The following DLG1 variants were observed in gnomAD, a reference collection of about 807,000 sequenced individuals.
The protein encoded by DLG1 is disks large homolog 1.
A neutral mutation model predicts 123.4 loss-of-function variants in DLG1; 42 were observed. That is an observed-to-expected ratio of 0.34 (90% CI 0.27 to 0.44). The LOEUF (loss-of-function observed/expected upper bound fraction) is 0.44. Among genes scored for constraint, DLG1 ranks in the 20% least tolerant of loss-of-function variants. The pLI is 1.00. For synonymous variants in DLG1, 317 were observed against 356.2 expected (o/e 0.89, Z 1.24); for missense variants, 942 against 1,082.6 (o/e 0.87, Z 1.82).
intron 6 of DLG1, among the ~76,000 whole-genome samples, chr3:197,149,354 A>G (rs894059722): frequency 2.0e-5 from 3 of 152,102 alleles, no homozygotes; most frequent in African/African-American, 7.3e-5. Flanking sequence ...AGTTATAACT[A>G]ATTATTTTCG....
intron 4 of DLG1, among the ~76,000 whole-genome samples, chr3:197,273,852 A>AAAAAAAAC (rs1333351703): frequency 6.7e-6 from 1 of 149,780 alleles, no homozygotes; most frequent in Non-Finnish European, 1.5e-5. Flanking sequence ...TAGCTACCAA[A>AAAAAAAAC]AAAAAAAAAA....
intron 5 of DLG1, among the ~76,000 whole-genome samples, chr3:197,170,135 C>T (rs577226176): frequency 1.2e-4 from 19 of 152,280 alleles, no homozygotes; most frequent in African/African-American, 3.4e-4. Flanking sequence ...TGTGTATGTG[C>T]CACATTTTCT....
At chr3:197,133,025 C>T (rs1783445742) in intron 10 of DLG1, among the ~76,000 whole-genome samples, 1 of 151,576 alleles carries the variant, frequency 6.6e-6, no homozygotes, top group South Asian at 2.1e-4. Context: ...CTGTGGTATA[C>T]TGCTGAAATA....
intron 4 of DLG1, among the ~76,000 whole-genome samples, chr3:197,247,276 T>TG (rs1288094215): frequency 1.3e-5 from 2 of 152,102 alleles, no homozygotes; most frequent in Admixed American, 1.3e-4. Context: ...CTCAGGCGTG[T>TG]GGTTAGGGAG....
At position 197,221,315 on chromosome 3, in the gene DLG1, C is replaced by T. The variant is rs368948575; in HGVS notation, c.319-26726G>A. Among the ~76,000 whole-genome samples, 20 of 152,110 alleles carry T rather than the reference C, an allele frequency of 1.3e-4. No individual in the cohort carries two copies. In the East Asian group the frequency reaches 2.5e-3, roughly 19 times the overall value. On this transcript the variant is annotated intron_variant, in intron 4 of 24. Coordinates refer to ENST00000667157, the MANE Select transcript of DLG1 (RefSeq NM_001366207.1). ...GGTGGATCACCTGAGGTCAGGAGTT[C>T]GAGACCAGCCTGGCCAACTTGATTG...
intron 4 of DLG1, among the ~76,000 whole-genome samples, chr3:197,253,585 C>G (rs1755458655): frequency 6.6e-6 from 1 of 152,106 alleles, no homozygotes; most frequent in Non-Finnish European, 1.5e-5. Flanking sequence ...GTGAAAAAAG[C>G]CAATCCTGAA....
intron 8 of DLG1, among the ~76,000 whole-genome samples, chr3:197,139,034 T>G (rs1786560136): frequency 6.6e-6 from 1 of 152,222 alleles, no homozygotes. Context: ...AGTTATTTTT[T>G]GAAATTTATA....
At chr3:197,087,602 G>A (rs4481135) in intron 15 of DLG1, among the ~76,000 whole-genome samples, 167 of 152,136 alleles carry the variant, frequency 1.1e-3, no homozygotes, top group African/African-American at 4.0e-3. Flanking sequence ...AATAAAATAC[G>A]AAAAATACAA....
At chr3:197,136,789 T>C (rs1188816526) in intron 9 of DLG1, 111 bp from the exon 10 acceptor site, 14 of 932,748 alleles carry the variant, frequency 1.5e-5, no homozygotes, top group Admixed American at 1.1e-4. Flanking sequence ...TTTTTTAAAA[T>C]AGAAAAGAAT....
intron 4 of DLG1, among the ~76,000 whole-genome samples, chr3:197,248,309 C>G (rs1207855337): frequency 6.6e-6 from 1 of 152,142 alleles, no homozygotes; most frequent in African/African-American, 2.4e-5. Flanking sequence ...GCTGCGGTAT[C>G]TACTTGTAGG....
At chr3:197,241,920 A>C (rs1362184040) in intron 4 of DLG1, among the ~76,000 whole-genome samples, 2 of 152,198 alleles carry the variant, frequency 1.3e-5, no homozygotes, top group African/African-American at 2.4e-5. Flanking sequence ...AGAGTTACGA[A>C]ACAATCAGAA....
At chr3:197,274,683 G>A (rs894648225) in intron 4 of DLG1, among the ~76,000 whole-genome samples, 1 of 152,152 alleles carries the variant, frequency 6.6e-6, no homozygotes, top group African/African-American at 2.4e-5. Context: ...ACAGAGTGAT[G>A]AAACAACTTA....
At chr3:197,140,361 A>G (rs1309433375) in intron 7 of DLG1, 97 bp from the exon 8 acceptor site, 1 of 1,250,834 alleles carries the variant, frequency 8.0e-7, no homozygotes, top group Non-Finnish European at 1.1e-6. Context: ...TAACATAAGG[A>G]ACACAACAAA....
chr3:197,123,126 C>A (rs553649930), intron 11 of DLG1, among the ~76,000 whole-genome samples: 1 of 152,056 alleles, frequency 6.6e-6, no homozygotes, highest in Non-Finnish European at 1.5e-5. Flanking sequence ...ATTAAAAAAT[C>A]TCTCATTACA....
rs1451954843 is a variant in DLG1, at chr3:197,085,671, T to C, written c.1747A>G (p.Ile583Val). ...NFKFGDILHV[I>V]NASDDEWWQA... is the part of the protein sequence containing the mutation. ...CACCATTCATCATCAGAAGCATTAA[T>C]AACATGGAGGATATCTCCAAATTTG... Residue 583 changes from isoleucine to valine, a missense_variant, in exon 16 of 25, where the codon ATT becomes GTT. Transcript: ENST00000667157. 4 of 1,613,880 alleles carry C rather than the reference T, an allele frequency of 2.5e-6. No homozygotes were observed. Among genetic ancestry groups the C allele is most frequent in the African/African-American group, 1.3e-5 (1 of 74,860 alleles).
At chr3:197,106,049 C>G (rs1050380989) in intron 13 of DLG1, among the ~76,000 whole-genome samples, 1 of 152,126 alleles carries the variant, frequency 6.6e-6, no homozygotes, top group African/African-American at 2.4e-5. Context: ...ACATTTTAAC[C>G]ATATAAAGAT....
intron 3 of DLG1, among the ~76,000 whole-genome samples, chr3:197,293,034 T>C (rs545054710): frequency 6.6e-6 from 1 of 152,346 alleles, no homozygotes; most frequent in African/African-American, 2.4e-5. Flanking sequence ...CCTGAATACC[T>C]GGGCTCTGAT....
chr3:197,068,962 C>A (rs1401745507), intron 19 of DLG1, among the ~76,000 whole-genome samples: 2 of 151,860 alleles, frequency 1.3e-5, no homozygotes, highest in African/African-American at 4.8e-5. Context: ...TTACTTCTTA[C>A]AAAAAATACA....
In DLG1 at chr3:197,146,013, T is replaced by TA. The variant is rs1553957271; in HGVS notation, c.538-3246dup. Among the ~76,000 whole-genome samples the TA allele has an allele frequency of 6.1e-4, 91 of 149,184 alleles. 1 individual carries two copies. Among genetic ancestry groups the TA allele is most frequent in the East Asian group, 2.0e-3 (10 of 4,974 alleles). ...TGTCTCAAATAAATAAATAAATAAA[T>TA]AAATAAAATAAAATAAAATAAAAAG... On this transcript the variant is annotated intron_variant, in intron 6 of 24. Coordinates refer to ENST00000667157, the MANE Select transcript of DLG1 (RefSeq NM_001366207.1).
Sources: gnomAD v4.1 joint callset for allele counts (sites outside exome capture counted in the v4.1 genomes callset) on GRCh38, gnomAD v4.1.1 for gene constraint, MANE v1.5 for transcripts, NCBI Gene and HGNC (gene_info 2026-07-23, HGNC 2026-07-21) for gene names.